The following OTUD7A variants were observed in gnomAD, a reference collection of about 807,000 sequenced individuals.
The protein encoded by OTUD7A is OTU deubiquitinase 7A, also known as OTU domain-containing protein 7A.
A neutral mutation model predicts 65.7 loss-of-function variants in OTUD7A; 12 were observed. The observed-to-expected ratio is 0.18, with a 90% CI of 0.12 to 0.30. The LOEUF is 0.30. OTUD7A is among the 10% of genes least tolerant of loss of function. The probability of loss-of-function intolerance (pLI) is 1.00; values close to 1 mark genes in which losing one functional copy is unlikely to be tolerated. For synonymous variants in OTUD7A, 641 were observed against 586.3 expected (o/e 1.09, Z -1.35); for missense variants, 1,148 against 1,304.8 (o/e 0.88, Z 1.85).
At chr15:31,688,201 C>A (rs1302657781) in intron 1 of OTUD7A, among the ~76,000 whole-genome samples, 1 of 134,678 alleles carries the variant, frequency 7.4e-6, no homozygotes, top group Non-Finnish European at 1.6e-5. Context: ...GGCGACAGAG[C>A]GAGACTCCAT....
intron 1 of OTUD7A, among the ~76,000 whole-genome samples, chr15:31,685,637 C>T (rs573543595): frequency 6.6e-5 from 10 of 152,290 alleles, no homozygotes; most frequent in Admixed American, 2.0e-4. Context: ...CCAGCCTGGG[C>T]GACAGAGCGA....
intron 1 of OTUD7A, among the ~76,000 whole-genome samples, chr15:31,793,540 T>C (rs936676099): frequency 2.6e-5 from 4 of 152,208 alleles, no homozygotes; most frequent in African/African-American, 9.7e-5. Flanking sequence ...CAAAAATACA[T>C]GTTTCCTTCT....
At chr15:31,764,213 T>C (rs1379283848) in intron 1 of OTUD7A, among the ~76,000 whole-genome samples, 1 of 152,166 alleles carries the variant, frequency 6.6e-6, no homozygotes, top group Non-Finnish European at 1.5e-5. Context: ...CTATAAGCAA[T>C]AGAAGTTTTA....
intron 1 of OTUD7A, among the ~76,000 whole-genome samples, chr15:31,709,840 T>TAC (rs1039490210): frequency 2.6e-5 from 4 of 152,166 alleles, no homozygotes; most frequent in African/African-American, 9.7e-5. Context: ...ACATACATTA[T>TAC]ACACACACAC....
At chr15:31,768,060 C>T (rs1336912501) in intron 1 of OTUD7A, 1 of 1,602,436 alleles carries the variant, frequency 6.2e-7, no homozygotes, top group Non-Finnish European at 8.5e-7. Flanking sequence ...TCCCCTGCTT[C>T]TCCTGCTGTG....
intron 1 of OTUD7A, among the ~76,000 whole-genome samples, chr15:31,744,482 A>G (rs1894424252): frequency 6.6e-6 from 1 of 152,152 alleles, no homozygotes; most frequent in Non-Finnish European, 1.5e-5. Flanking sequence ...ACTAAAAAAG[A>G]GTAAAACATT....
intron 4 of OTUD7A, among the ~76,000 whole-genome samples, chr15:31,567,732 C>T (rs973545501): frequency 6.6e-6 from 1 of 152,216 alleles, no homozygotes; most frequent in African/African-American, 2.4e-5. Flanking sequence ...TGGGCCAGGC[C>T]CAGGGCCCCG....
chr15:31,483,469 G>A lies in OTUD7A; in HGVS notation c.2627C>T (p.Ala876Val). The A allele has an allele frequency of 7.2e-7, 1 of 1,383,180 alleles. No individual in the cohort carries two copies. Among genetic ancestry groups the A allele is most frequent in the South Asian group, 1.4e-5 (1 of 69,664 alleles). The allele number at this position is 1,383,180 out of a possible 1,614,324, so 85.7% of individuals were successfully genotyped here. Residue 876 changes from alanine (A) to valine (V), a missense_variant, in exon 13 of 13, where the codon GCG (alanine) becomes GTG (valine). By Grantham distance (64) the Ala-to-Val change is moderately conservative. Coordinates refer to ENST00000307050, the MANE Select transcript of OTUD7A (RefSeq NM_001382637.1). ...RDGLEFADAD[A>V]PTARSNGECG... is the part of the protein sequence containing the mutation. ...CTCACCGTTCGAGCGCGCGGTCGGC[G>A]CGTCGGCGTCGGCGAACTCCAGGCC...
intron 8 of OTUD7A, among the ~76,000 whole-genome samples, chr15:31,507,110 T>C (rs1028682830): frequency 6.6e-6 from 1 of 152,222 alleles, no homozygotes; most frequent in African/African-American, 2.4e-5. Flanking sequence ...TTTTATTAGA[T>C]GCAGGAGTAA....
intron 4 of OTUD7A, among the ~76,000 whole-genome samples, chr15:31,563,753 T>G (rs73372582): frequency 0.063 from 9,537 of 152,290 alleles, 996 homozygotes; most frequent in African/African-American, 0.22. Context: ...AACAAGGACT[T>G]TCTAGAAGAG....
At chr15:31,798,932 C>G (rs989271698) in intron 1 of OTUD7A, among the ~76,000 whole-genome samples, 2 of 152,200 alleles carry the variant, frequency 1.3e-5, no homozygotes, top group Non-Finnish European at 2.9e-5. Flanking sequence ...CTCTCAAGAT[C>G]ACCACTTTCA....
intron 2 of OTUD7A, among the ~76,000 whole-genome samples, chr15:31,655,757 C>G (rs1484625083): frequency 2.0e-5 from 3 of 152,210 alleles, no homozygotes; most frequent in African/African-American, 7.2e-5. Flanking sequence ...CACTCCTGAA[C>G]TTACATTTTA....
At chr15:31,840,560 A>C (rs181805411) in intron 1 of OTUD7A, among the ~76,000 whole-genome samples, 2 of 152,370 alleles carry the variant, frequency 1.3e-5, no homozygotes, top group East Asian at 3.9e-4. Context: ...GAGGTTATCA[A>C]GCGTCCTTTA....
At chr15:31,569,902 A>G (rs1202449551) in intron 4 of OTUD7A, 116 bp downstream of exon 4, 2 of 1,100,542 alleles carry the variant, frequency 1.8e-6, no homozygotes, top group Non-Finnish European at 2.6e-6. Context: ...TGAGAGGCCA[A>G]TATGTCTGCA....
At chr15:31,759,617 T>C (rs1894906937) in intron 1 of OTUD7A, among the ~76,000 whole-genome samples, 1 of 152,234 alleles carries the variant, frequency 6.6e-6, no homozygotes, top group Non-Finnish European at 1.5e-5. Flanking sequence ...CACTGCCACC[T>C]CTGCCTCCCG....
intron 5 of OTUD7A, among the ~76,000 whole-genome samples, chr15:31,555,219 G>A (rs1406150700): frequency 6.6e-6 from 1 of 152,132 alleles, no homozygotes; most frequent in South Asian, 2.1e-4. Flanking sequence ...CTGAGCCCTG[G>A]GTTCATGTTC....
rs2041119528 is a variant in OTUD7A at position 31,481,550 on chromosome 15, A to G, written c.*1744T>C. 1 of 151,612 alleles carries G rather than the reference A, an allele frequency of 6.6e-6. No homozygotes were observed. Among genetic ancestry groups the G allele is most frequent in the Non-Finnish European group, 1.5e-5 (1 of 67,830 alleles). 9.4% of individuals were successfully genotyped at this position (151,612 alleles called of 1,614,324 possible). A position where few individuals can be genotyped will look rare whatever the true frequency, so the allele number is the denominator to read the frequency against. On this transcript the variant is annotated 3_prime_UTR_variant, in exon 13 of 13. Transcript: ENST00000307050. ...AATATTGTTCAGCAGGAAAAGTAAAACTTTCAAAAAATTTCTTAAAGATCC... is the reference window on the plus strand; with the variant it reads ...AATATTGTTCAGCAGGAAAAGTAAAGCTTTCAAAAAATTTCTTAAAGATCC...
intron 12 of OTUD7A, among the ~76,000 whole-genome samples, chr15:31,486,300 T>C (rs1166184109): frequency 1.3e-5 from 2 of 152,140 alleles, no homozygotes; most frequent in African/African-American, 4.8e-5. Context: ...TGGCTGTCAC[T>C]TATGCCATCA....
At chr15:31,584,413 C>CCAACAT (rs1215231994) in intron 3 of OTUD7A, among the ~76,000 whole-genome samples, 7 of 152,148 alleles carry the variant, frequency 4.6e-5, no homozygotes, top group Non-Finnish European at 1.0e-4. Flanking sequence ...GCCTTGAAAT[C>CCAACAT]CAACATCAAC....
Sources: allele counts gnomAD v4.1 joint callset (sites outside exome capture counted in the v4.1 genomes callset), GRCh38; gene constraint gnomAD v4.1.1; transcripts MANE v1.5; gene names NCBI Gene and HGNC (gene_info 2026-07-23, HGNC 2026-07-21).